PIP4K2A: variants seen among roughly 807,000 people sequenced by gnomAD.
PIP4K2A encodes the protein phosphatidylinositol-5-phosphate 4-kinase type 2 alpha.
A neutral mutation model predicts 42.9 loss-of-function variants in PIP4K2A; 14 were observed. That is an observed-to-expected ratio of 0.33 (90% confidence interval 0.22 to 0.51). The LOEUF (loss-of-function observed/expected upper bound fraction) is 0.51. Among genes scored for constraint, PIP4K2A ranks in the 20% least tolerant of loss-of-function variants. The probability of loss-of-function intolerance (pLI) is 0.97; values close to 1 mark genes in which losing one functional copy is unlikely to be tolerated. For missense variants in PIP4K2A, 434 were observed against 519.8 expected (o/e 0.83, Z 1.61); for synonymous variants, 192 against 192.2 (o/e 1.00, Z 0.01).
At chr10:22,713,325 C>G (rs1388917584) in intron 1 of PIP4K2A, among the ~76,000 whole-genome samples, 1 of 152,204 alleles carries the variant, frequency 6.6e-6, no homozygotes, top group Non-Finnish European at 1.5e-5. Flanking sequence ...TCCCACACCC[C>G]CCACAGCGGG....
At position 22,586,272 on chromosome 10, in the gene PIP4K2A, T is replaced by A. The variant is rs191482799; in HGVS notation, c.492+5357A>T. On this transcript the variant is annotated intron_variant, in intron 4 of 9. Coordinates refer to ENST00000376573, the MANE Select transcript of PIP4K2A (RefSeq NM_005028.5). ...GATGCTCTTCTTTCTTTGCACAGAG[T>A]GAAAGCTAGGGTAGAATTTGGGCAG... Among the ~76,000 whole-genome samples, 20 of 152,254 alleles carry A rather than the reference T, an allele frequency of 1.3e-4. No homozygotes were observed. In the East Asian group the frequency reaches 3.9e-3, roughly 29 times the overall value.
chr10:22,605,169 A>C (rs1434154494), intron 3 of PIP4K2A, among the ~76,000 whole-genome samples: 1 of 151,932 alleles, frequency 6.6e-6, no homozygotes, highest in Non-Finnish European at 1.5e-5. Context: ...TACTGAAGTG[A>C]CTCTGAATAC....
chr10:22,622,649 G>A (rs576947150), intron 1 of PIP4K2A, among the ~76,000 whole-genome samples: 21 of 152,306 alleles, frequency 1.4e-4, no homozygotes, highest in Non-Finnish European at 2.6e-4. Flanking sequence ...GTCAGTGGAC[G>A]GGCACCGCCA....
chr10:22,602,752 T>C (rs1220865352), intron 3 of PIP4K2A, among the ~76,000 whole-genome samples: 1 of 152,224 alleles, frequency 6.6e-6, no homozygotes, highest in Non-Finnish European at 1.5e-5. Context: ...TGTCTCACTG[T>C]GTTGCCCAGG....
At chr10:22,633,071 T>A (rs984561068) in intron 1 of PIP4K2A, among the ~76,000 whole-genome samples, 11 of 152,146 alleles carry the variant, frequency 7.2e-5, no homozygotes, top group African/African-American at 2.7e-4. Flanking sequence ...CCCTGTGAAA[T>A]GGGCACAACT....
At chr10:22,677,455 G>A (rs947243158) in intron 1 of PIP4K2A, among the ~76,000 whole-genome samples, 2 of 152,156 alleles carry the variant, frequency 1.3e-5, no homozygotes, top group African/African-American at 2.4e-5. Context: ...AGGCTCTCAG[G>A]CTGCATTTTA....
At chr10:22,635,135 A>G (rs1838635871) in intron 1 of PIP4K2A, among the ~76,000 whole-genome samples, 1 of 152,166 alleles carries the variant, frequency 6.6e-6, no homozygotes, top group African/African-American at 2.4e-5. Flanking sequence ...GGGCAGTGAC[A>G]CTATTCTGTA....
chr10:22,583,381 G>A (rs555066096), intron 4 of PIP4K2A, among the ~76,000 whole-genome samples: 4 of 152,322 alleles, frequency 2.6e-5, no homozygotes, highest in African/African-American at 9.6e-5. Flanking sequence ...GCTGGGGCCT[G>A]AGTAGCCTAT....
Position 22,714,253 on chromosome 10 carries a change from G to A in PIP4K2A, c.74C>T (p.Ala25Val). 6.2e-7 allele frequency: 1 copy of A among 1,612,732 alleles called. No homozygotes were observed. Among genetic ancestry groups the A allele is most frequent in the Non-Finnish European group, 8.5e-7 (1 of 1,179,250 alleles). Residue 25 changes from alanine (A) to valine (V), a missense_variant, in exon 1 of 10, where the codon GCG (alanine) becomes GTG (valine). By Grantham distance (64) the Ala-to-Val change is moderately conservative. Around this residue, in one of 2 missense-constraint regions of PIP4K2A, gnomAD observed 395 missense variants for 444.5 expected, o/e 0.89. Transcript: ENST00000376573. ...KTKTKKKHFV[A>V]QKVKLFRASD... ...GGCCCGAAACAGCTTCACTTTCTGCGCTACGAAGTGCTTCTTCTTGGTCTT... is the reference window on the plus strand; with the variant it reads ...GGCCCGAAACAGCTTCACTTTCTGCACTACGAAGTGCTTCTTCTTGGTCTT...
At chr10:22,686,640 A>G (rs553611126) in intron 1 of PIP4K2A, among the ~76,000 whole-genome samples, 1 of 151,536 alleles carries the variant, frequency 6.6e-6, no homozygotes, top group Non-Finnish European at 1.5e-5. Flanking sequence ...AGTTAAAAAA[A>G]TTTTTTTTTA....
At chr10:22,710,605 G>A (rs541561650) in intron 1 of PIP4K2A, among the ~76,000 whole-genome samples, 5 of 152,178 alleles carry the variant, frequency 3.3e-5, no homozygotes, top group South Asian at 2.1e-4. Flanking sequence ...AAAGTCCCAC[G>A]CACTCACACA....
At chr10:22,686,208 T>C (rs1256917021) in intron 1 of PIP4K2A, among the ~76,000 whole-genome samples, 4 of 152,186 alleles carry the variant, frequency 2.6e-5, no homozygotes, top group Admixed American at 2.0e-4. Flanking sequence ...CCAAAGGCAG[T>C]TGGCCAAATC....
At chr10:22,655,962 G>A (rs1428452226) in intron 1 of PIP4K2A, among the ~76,000 whole-genome samples, 2 of 152,118 alleles carry the variant, frequency 1.3e-5, no homozygotes, top group African/African-American at 4.8e-5. Context: ...CCAACTCCAG[G>A]CATTCCCCCA....
At chr10:22,667,986 C>A (rs11013087) in intron 1 of PIP4K2A, among the ~76,000 whole-genome samples, 56,295 of 148,274 alleles carry the variant, frequency 0.38, 11,629 homozygotes, top group Non-Finnish European at 0.42. Flanking sequence ...GAGTCTCACT[C>A]TATCACCCAG....
intron 4 of PIP4K2A, among the ~76,000 whole-genome samples, chr10:22,587,357 A>G (rs1490906876): frequency 1.3e-5 from 2 of 152,230 alleles, no homozygotes; most frequent in Admixed American, 6.5e-5. Context: ...AACGATCTGC[A>G]TTACTTGTCT....
intron 3 of PIP4K2A, among the ~76,000 whole-genome samples, chr10:22,602,380 T>A (rs1588656423): frequency 3.2e-5 from 4 of 124,686 alleles, no homozygotes; most frequent in Admixed American, 8.8e-5. Context: ...GGCAACAGAG[T>A]GAAACTCTGT....
chr10:22,629,709 G>C (rs1838511488), intron 1 of PIP4K2A, among the ~76,000 whole-genome samples: 4 of 152,046 alleles, frequency 2.6e-5, no homozygotes, highest in African/African-American at 9.7e-5. Flanking sequence ...AGTTTCACTA[G>C]TTTTCTCTTA....
At chr10:22,675,688 G>A (rs1485587437) in intron 1 of PIP4K2A, among the ~76,000 whole-genome samples, 1 of 152,176 alleles carries the variant, frequency 6.6e-6, no homozygotes, top group Non-Finnish European at 1.5e-5. Context: ...TCCTGAACAA[G>A]CAGAATGGTT....
At position 22,568,096 on chromosome 10, in the gene PIP4K2A, T is replaced by A. The variant is rs538864472; in HGVS notation, c.640-207A>T. ...CCTCTCTGCAGGTATTCCTGGCCACTGGCCGCTTCTCTAGCCCTGACTCTG... is the reference window on the plus strand; with the variant it reads ...CCTCTCTGCAGGTATTCCTGGCCACAGGCCGCTTCTCTAGCCCTGACTCTG... On this transcript the variant is annotated intron_variant, in intron 5 of 9. Coordinates refer to ENST00000376573, the MANE Select transcript of PIP4K2A (RefSeq NM_005028.5). Among the ~76,000 whole-genome samples, 112 of 152,396 alleles carry A rather than the reference T, an allele frequency of 7.3e-4. 1 individual carries two copies. The highest frequency in any genetic ancestry group is 6.9e-3 in the Admixed American group (105 of 15,310).
Sources: allele counts gnomAD v4.1 joint callset (sites outside exome capture counted in the v4.1 genomes callset), GRCh38; gene constraint gnomAD v4.1.1; regional missense constraint gnomAD v4.1.1; transcripts MANE v1.5; gene names NCBI Gene and HGNC (gene_info 2026-07-23, HGNC 2026-07-21).